Variants in ARPP19 observed in about 807,000 individuals in gnomAD.
ARPP19 encodes cAMP-regulated phosphoprotein 19.
In ARPP19, 8 loss-of-function variants were observed where a neutral mutation model predicts 12.0. The observed-to-expected ratio is 0.67, with a 90% CI of 0.39 to 1.21. The LOEUF (loss-of-function observed/expected upper bound fraction) is 1.21. ARPP19 is among the 50% of genes most tolerant of loss of function. The pLI, the probability that ARPP19 is intolerant of heterozygous loss-of-function variation, is 0.01. For synonymous variants in ARPP19, 47 were observed against 50.4 expected (o/e 0.93, Z 0.29); for missense variants, 102 against 136.3 (o/e 0.75, Z 1.25).
intron 2 of ARPP19, among the ~76,000 whole-genome samples, chr15:52,553,339 A>G (rs2077953301): frequency 6.6e-6 from 1 of 152,154 alleles, no homozygotes. Flanking sequence ...AAGTATGACT[A>G]CTGCTTTTTT....
chr15:52,561,292 A>C (rs2140244819), intron 1 of ARPP19, among the ~76,000 whole-genome samples: 1 of 152,366 alleles, frequency 6.6e-6, no homozygotes, highest in South Asian at 2.1e-4. Flanking sequence ...AAAAAGAATC[A>C]CAGAAAGATT....
rs546511540 is a variant in ARPP19, at chr15:52,559,735, C to T, written c.46-2513G>A. Among the ~76,000 whole-genome samples, 7 of 152,272 alleles carry T rather than the reference C, an allele frequency of 4.6e-5. No homozygotes were observed. In the South Asian group the frequency reaches 6.2e-4, roughly 14 times the overall value. On this transcript the variant is annotated intron_variant, in intron 1 of 2. Transcript: ENST00000249822. ...GGCGGGCTGAGTCACTGCACAGCTT[C>T]GATGTGGCTCAGCCCTCACTGCAGA...
intron 1 of ARPP19, among the ~76,000 whole-genome samples, chr15:52,566,515 C>G (rs2078083589): frequency 6.6e-6 from 1 of 152,132 alleles, no homozygotes. Context: ...AACTCCTGGT[C>G]TCAAGTGATC....
At chr15:52,560,011 G>A (rs1483345735) in intron 1 of ARPP19, among the ~76,000 whole-genome samples, 1 of 152,130 alleles carries the variant, frequency 6.6e-6, no homozygotes, top group Non-Finnish European at 1.5e-5. Context: ...CCTTTGATTT[G>A]AAATAGTTCT....
upstream of ARPP19, chr15:52,569,037 G>T (rs1056076093): frequency 1.9e-5 from 12 of 628,316 alleles, no homozygotes; most frequent in Non-Finnish European, 3.0e-5. Context: ...TGACGACACG[G>T]AGCCGCGAAA....
At chr15:52,564,054 T>A in intron 1 of ARPP19, 1 of 603,738 alleles carries the variant, frequency 1.7e-6, no homozygotes, top group Non-Finnish European at 2.9e-6. Context: ...TTTTATGTTA[T>A]AGTAAACACA....
chr15:52,559,637 T>C (rs1402673331), intron 1 of ARPP19, among the ~76,000 whole-genome samples: 1 of 152,218 alleles, frequency 6.6e-6, no homozygotes, highest in Admixed American at 6.5e-5. Context: ...ATGTAAGATA[T>C]GACTATACCA....
In ARPP19 at chr15:52,557,221, T is replaced by C; in HGVS notation, c.47A>G (p.Glu16Gly). Residue 16 changes from glutamate to glycine, a missense_variant and splice_region_variant, in exon 2 of 3, where the codon GAA becomes GGA. Physicochemically the swap from Glu to Gly is moderately conservative, Grantham distance 98. Coordinates refer to ENST00000249822, the MANE Select transcript of ARPP19 (RefSeq NM_006628.6). The part of the protein sequence containing the change: ...PEAASAEEQK[E>G]MEDKVTSPEK... ...TGGACTAGTCACTTTATCTTCCATT[T>C]CCTAAAATAATTTCAAATAAATTAC... The C allele has an allele frequency of 1.9e-6, 3 of 1,590,836 alleles. No individual in the cohort carries two copies. Among genetic ancestry groups the C allele is most frequent in the Non-Finnish European group, 2.6e-6 (3 of 1,165,508 alleles).
At chr15:52,565,561 C>T (rs141172417) in intron 1 of ARPP19, among the ~76,000 whole-genome samples, 2 of 152,282 alleles carry the variant, frequency 1.3e-5, no homozygotes, top group East Asian at 3.9e-4. Context: ...TTGACAAAGA[C>T]TCAGCAGGTT....
At chr15:52,558,417 T>C (rs1408458531) in intron 1 of ARPP19, among the ~76,000 whole-genome samples, 2 of 149,584 alleles carry the variant, frequency 1.3e-5, no homozygotes, top group Non-Finnish European at 3.0e-5. Flanking sequence ...ACCACTGCAC[T>C]CTAGCCTGGG....
chr15:52,553,549 T>TG (rs1392646800), intron 2 of ARPP19, among the ~76,000 whole-genome samples: 1 of 152,170 alleles, frequency 6.6e-6, no homozygotes, highest in Non-Finnish European at 1.5e-5. Flanking sequence ...GATACAAAGA[T>TG]GGGACAATAG....
At position 52,557,416 on chromosome 15, in the gene ARPP19, T is replaced by C. The variant is rs184145294; in HGVS notation, c.46-194A>G. On this transcript the variant is annotated intron_variant, in intron 1 of 2. Coordinates refer to ENST00000249822, the MANE Select transcript of ARPP19 (RefSeq NM_006628.6). ...AAAGATCCATGTGATAGCTCTATTA[T>C]AGCTGTGATGCATGTGTAACACCCC... 5.4e-5 allele frequency: 29 copies of C among 537,942 alleles called. No homozygotes were observed. The Admixed American group carries it at 5.9e-4, about 11-fold the overall frequency. 33.3% of individuals were successfully genotyped at this position (537,942 alleles called of 1,614,324 possible).
intron 1 of ARPP19, among the ~76,000 whole-genome samples, chr15:52,566,456 C>A (rs557693582): frequency 6.6e-6 from 1 of 152,208 alleles, no homozygotes; most frequent in East Asian, 1.9e-4. Context: ...ACAGCACAGG[C>A]CTTTTAAATT....
intron 1 of ARPP19, among the ~76,000 whole-genome samples, chr15:52,567,432 AG>A (rs1397829146): frequency 6.6e-6 from 1 of 152,236 alleles, no homozygotes; most frequent in African/African-American, 2.4e-5. Flanking sequence ...ACTGTGCACC[AG>A]AAGTTAATGC....
intron 1 of ARPP19, among the ~76,000 whole-genome samples, chr15:52,563,657 T>C (rs953527726): frequency 6.6e-6 from 1 of 152,242 alleles, no homozygotes; most frequent in Admixed American, 6.5e-5. Context: ...TCTCAATGAC[T>C]GATACCACTT....
rs1445167373 is a variant in ARPP19, at chr15:52,551,233, G to T, written c.*701C>A. On this transcript the variant is annotated 3_prime_UTR_variant, in exon 3 of 3. Coordinates refer to ENST00000249822, the MANE Select transcript of ARPP19 (RefSeq NM_006628.6). Reference sequence around the variant, plus strand: ...GTATTTACAAAAATGGCACAAAAGTGAATTCAACAGTTAATGCACATGCAT... The same window carrying T: ...GTATTTACAAAAATGGCACAAAAGTTAATTCAACAGTTAATGCACATGCAT... The T allele has an allele frequency of 6.6e-6, 1 of 152,662 alleles. No individual in the cohort carries two copies. The highest frequency in any genetic ancestry group is 1.5e-5 in the Non-Finnish European group (1 of 68,038). 9.5% of individuals were successfully genotyped at this position (152,662 alleles called of 1,614,324 possible).
intron 1 of ARPP19, among the ~76,000 whole-genome samples, chr15:52,566,054 C>T (rs2078078936): frequency 6.6e-6 from 1 of 152,136 alleles, no homozygotes; most frequent in Admixed American, 6.5e-5. Context: ...GGGGGTTTCC[C>T]CATATTGGCC....
At chr15:52,557,717 TG>T (rs1314692441) in intron 1 of ARPP19, 3 of 151,872 alleles carry the variant, frequency 2.0e-5, no homozygotes, top group African/African-American at 7.2e-5. Flanking sequence ...TCCTGATATT[TG>T]TTTTTTTATA....
intron 1 of ARPP19, among the ~76,000 whole-genome samples, chr15:52,564,932 C>T (rs139501498): frequency 1.1e-3 from 165 of 152,094 alleles, no homozygotes; most frequent in African/African-American, 3.8e-3. Flanking sequence ...TCCATTCAAC[C>T]ATTTTGTAAA....
Sources: gnomAD v4.1 joint callset for allele counts (sites outside exome capture counted in the v4.1 genomes callset) on GRCh38, gnomAD v4.1.1 for gene constraint, MANE v1.5 for transcripts, NCBI Gene and HGNC (gene_info 2026-07-23, HGNC 2026-07-21) for gene names.